Variants in OR3A2 observed in about 807,000 individuals in gnomAD.
The protein encoded by OR3A2 is olfactory receptor family 3 subfamily A member 2, also known as olfactory receptor 3A2.
For missense variants in OR3A2, 318 were observed against 392.8 expected, an observed-to-expected ratio of 0.81 and a Z score of 1.61; for synonymous variants, 126 against 159.3, an observed-to-expected ratio of 0.79 and a Z score of 1.57.
chr17:3,323,115 C>T (rs902468605), intron 3 of OR3A2, among the ~76,000 whole-genome samples: 11 of 152,072 alleles, frequency 7.2e-5, no homozygotes, highest in East Asian at 1.9e-4. Flanking sequence ...ATCCCTTTAC[C>T]GTTAAGTAAT....
chr17:3,349,672 C>A (rs1300259088), intron 2 of OR3A2, among the ~76,000 whole-genome samples: 1 of 151,540 alleles, frequency 6.6e-6, no homozygotes, highest in Admixed American at 6.6e-5. Flanking sequence ...CAGCTCTGCA[C>A]CAAGCAGACC....
At chr17:3,289,356 C>T (rs777665682), upstream of OR3A2, among the ~76,000 whole-genome samples, 4 of 152,174 alleles carry the variant, frequency 2.6e-5, no homozygotes, top group East Asian at 1.9e-4. Flanking sequence ...ATAAAGAAAC[C>T]GTGTGATCCT....
At position 3,385,464 on chromosome 17, in the gene OR3A2, T is replaced by C. The variant is rs189294901; in HGVS notation, c.-275+661A>G. ...TGATAGAGGAGGATAGATAGATAGATAGATAGAGGAGTTTGGATAGATAGA... is the reference window on the plus strand; with the variant it reads ...TGATAGAGGAGGATAGATAGATAGACAGATAGAGGAGTTTGGATAGATAGA... On this transcript the variant is annotated intron_variant, in intron 1 of 4. Coordinates refer to the OR3A2 transcript ENST00000573491. 2.6e-5 allele frequency among the ~76,000 whole-genome samples: 4 copies of C among 152,236 alleles called. No homozygotes were observed. In the East Asian group the frequency reaches 5.8e-4, roughly 22 times the overall value.
chr17:3,347,494 GT>G (rs2049376653), intron 2 of OR3A2, among the ~76,000 whole-genome samples: 2 of 152,178 alleles, frequency 1.3e-5, no homozygotes, highest in South Asian at 4.2e-4. Flanking sequence ...AACATGCGGT[GT>G]TTGGTTTTTT....
rs766433554 is a variant in OR3A2 at position 3,311,235 on chromosome 17, G to A, written c.-85+24798C>T. 2.2e-5 allele frequency: 12 copies of A among 535,730 alleles called. 1 individual carries two copies. Among genetic ancestry groups the A allele is most frequent in the South Asian group, 5.6e-5 (4 of 71,608 alleles). The allele number at this position is 535,730 out of a possible 1,614,324, so 33.2% of individuals were successfully genotyped here. On this transcript the variant is annotated intron_variant, in intron 3 of 4. Transcript: ENST00000573491. This position sits in a 1 kb window ranked among gnomAD's most constrained non-coding sequence, Gnocchi z 4.6. The stretch of plus-strand genomic sequence containing the variant: ...CGGGTGCATCAGTCACTGTTCCTCC[G>A]ATGCTGGCGTGTCTCCAGGCCCACC...
At chr17:3,347,116 C>G (rs1473731591) in intron 2 of OR3A2, among the ~76,000 whole-genome samples, 1 of 152,144 alleles carries the variant, frequency 6.6e-6, no homozygotes, top group Non-Finnish European at 1.5e-5. Context: ...AACCTCCAAG[C>G]TGTTCTCCAT....
At chr17:3,348,933 G>C (rs1393034716) in intron 2 of OR3A2, among the ~76,000 whole-genome samples, 1 of 152,014 alleles carries the variant, frequency 6.6e-6, no homozygotes, top group African/African-American at 2.4e-5. Context: ...GCCAAACTAA[G>C]CTTCATAAGT....
At chr17:3,381,790 G>A (rs1447586069) in intron 2 of OR3A2, among the ~76,000 whole-genome samples, 2 of 152,026 alleles carry the variant, frequency 1.3e-5, no homozygotes, top group African/African-American at 2.4e-5. Flanking sequence ...CTTCAAGCTC[G>A]CCCTGCTCAA....
At chr17:3,329,192 C>A (rs1161464887) in intron 3 of OR3A2, among the ~76,000 whole-genome samples, 1 of 151,780 alleles carries the variant, frequency 6.6e-6, no homozygotes, top group African/African-American at 2.4e-5. Flanking sequence ...TGTGACTCTG[C>A]CCGGCTTTGG....
At chr17:3,322,367 T>A (rs1460373977) in intron 3 of OR3A2, among the ~76,000 whole-genome samples, 1 of 152,144 alleles carries the variant, frequency 6.6e-6, no homozygotes, top group East Asian at 1.9e-4. Flanking sequence ...GTGTCTCTAT[T>A]TCCTTCAGTT....
chr17:3,280,381 C>T (rs992759547), intron 1 of OR3A2, among the ~76,000 whole-genome samples: 1 of 151,946 alleles, frequency 6.6e-6, no homozygotes, highest in East Asian at 1.9e-4. Flanking sequence ...ACGCCATTCT[C>T]CTGCCTCAGC....
upstream of OR3A2, among the ~76,000 whole-genome samples, chr17:3,288,019 A>ACAGCATT (rs1287037878): frequency 6.6e-6 from 1 of 151,730 alleles, no homozygotes; most frequent in Non-Finnish European, 1.5e-5. Flanking sequence ...ACATATTTAT[A>ACAGCATT]CAGCATTTAG....
At chr17:3,292,305 C>G (rs61736316) in intron 3 of OR3A2, 2 of 1,613,936 alleles carry the variant, frequency 1.2e-6, no homozygotes, top group African/African-American at 2.7e-5. Context: ...GGGAACTGCA[C>G]GCTTGCGGGA....
intron 2 of OR3A2, among the ~76,000 whole-genome samples, chr17:3,379,304 C>T (rs189507908): frequency 3.9e-5 from 6 of 152,198 alleles, no homozygotes; most frequent in South Asian, 2.1e-4. Context: ...GCTACTCTGC[C>T]GAGGCCAATG....
chr17:3,371,627 T>C (rs2049622776), intron 2 of OR3A2, among the ~76,000 whole-genome samples: 2 of 120,128 alleles, frequency 1.7e-5, no homozygotes, highest in East Asian at 5.9e-4. Context: ...GGCTCCTCAC[T>C]TCCCAGTAGG....
intron 3 of OR3A2, among the ~76,000 whole-genome samples, chr17:3,317,869 C>T (rs1418495075): frequency 1.3e-5 from 2 of 152,116 alleles, no homozygotes; most frequent in African/African-American, 4.8e-5. Flanking sequence ...TTGTACCACA[C>T]TAGCCCTCAC....
chr17:3,294,666 T>G lies in OR3A2; in HGVS notation c.-84-15513A>C, dbSNP rs2048905405. On this transcript the variant is annotated intron_variant, in intron 3 of 4. Coordinates refer to the OR3A2 transcript ENST00000573491. ...CACTGAATATCAATGATTAAAAAAA[T>G]GGATAGCCTAGTCAAAAAACAGACA... is the stretch of plus-strand genomic sequence containing the variant. Among the ~76,000 whole-genome samples the G allele has an allele frequency of 2.0e-5, 3 of 152,022 alleles. No individual in the cohort carries two copies. In the South Asian group the frequency reaches 6.2e-4, roughly 31 times the overall value.
At chr17:3,277,979 T>C in exon 2 of OR3A2, 3 of 1,597,306 alleles carry the variant, frequency 1.9e-6, no homozygotes, top group Non-Finnish European at 2.6e-6. Context: ...CTCAGGTCAG[T>C]GATCTCCTCC....
At chr17:3,346,694 C>A (rs538056889) in intron 2 of OR3A2, among the ~76,000 whole-genome samples, 4 of 152,048 alleles carry the variant, frequency 2.6e-5, no homozygotes, top group African/African-American at 9.6e-5. Flanking sequence ...CATCTCAGCC[C>A]CCAACTGTCC....
Sources: allele counts gnomAD v4.1 joint callset (sites outside exome capture counted in the v4.1 genomes callset), GRCh38; gene constraint gnomAD v4.1.1; non-coding constraint Gnocchi (gnomAD v3.1); transcripts MANE v1.5; gene names NCBI Gene and HGNC (gene_info 2026-07-23, HGNC 2026-07-21).